Variants in SMG6 observed in about 807,000 individuals in gnomAD.
SMG6 encodes telomerase-binding protein EST1A.
Under a neutral mutation model 142.2 loss-of-function variants are expected in SMG6, and 66 were observed. The observed-to-expected ratio is 0.46, with a 90% CI of 0.38 to 0.57. The LOEUF (loss-of-function observed/expected upper bound fraction) is 0.57, where lower values mean the gene tolerates loss of function less well. SMG6 is among the 20% of genes least tolerant of loss of function. The probability of loss-of-function intolerance (pLI) is 0.00; values close to 1 mark genes in which losing one functional copy is unlikely to be tolerated. For missense variants in SMG6, 1,793 were observed against 1,832.0 expected (o/e 0.98, Z 0.39); for synonymous variants, 779 against 702.4 (o/e 1.11, Z -1.72).
chr17:2,091,756 T>C lies in SMG6; in HGVS notation c.3358-5855A>G, dbSNP rs146986953. On this transcript the variant is annotated intron_variant, in intron 13 of 18. Coordinates refer to ENST00000263073, the MANE Select transcript of SMG6 (RefSeq NM_017575.5). ...TGCGATCTCGGCTCACTGCAAGCTC[T>C]GCCTCCCGCGTTCACGCCATTCTCC... is the stretch of plus-strand genomic sequence containing the variant. Among the ~76,000 whole-genome samples, 1,351 of 151,550 alleles carry C rather than the reference T, an allele frequency of 8.9e-3. 12 individuals are homozygous for C. The highest frequency in any genetic ancestry group is 0.022 in the South Asian group (105 of 4,778).
At chr17:2,250,472 A>C (rs1265374189) in intron 8 of SMG6, among the ~76,000 whole-genome samples, 1 of 151,262 alleles carries the variant, frequency 6.6e-6, no homozygotes, top group Non-Finnish European at 1.5e-5. Context: ...ACTGTTGTCT[A>C]GACCTCCTAG....
intron 18 of SMG6, among the ~76,000 whole-genome samples, chr17:2,064,719 AC>A (rs2067887460): frequency 6.6e-6 from 1 of 151,470 alleles, no homozygotes; most frequent in African/African-American, 2.4e-5. Flanking sequence ...GGCTCGGGAG[AC>A]CATGGCCAGC....
chr17:2,119,320 G>C (rs1382387141), intron 13 of SMG6, among the ~76,000 whole-genome samples: 1 of 152,002 alleles, frequency 6.6e-6, no homozygotes, highest in Non-Finnish European at 1.5e-5. Context: ...GCCTCCCAAA[G>C]TGCTGGGATT....
chr17:2,298,144 T>A, intron 2 of SMG6, 89 bp from the exon 3 acceptor site: 1 of 1,212,492 alleles, frequency 8.2e-7, no homozygotes, highest in Admixed American at 2.7e-5. Flanking sequence ...ATTAACCACC[T>A]CCCCTGGCAG....
At chr17:2,236,701 TCACACACACACACA>T (rs71150853) in intron 9 of SMG6, 64 bp from the exon 10 acceptor site, 26,937 of 956,046 alleles carry the variant, frequency 0.028, 337 homozygotes, top group Middle Eastern at 0.042. Context: ...TCACTCTGTC[TCACACACACACACA>T]CACACACACA....
chr17:2,181,475 C>A (rs1211877318), intron 12 of SMG6, among the ~76,000 whole-genome samples: 1 of 152,212 alleles, frequency 6.6e-6, no homozygotes, highest in African/African-American at 2.4e-5. Context: ...AGAAAGAGAG[C>A]ACAGAAGGAG....
chr17:2,145,643 C>CAAAAAAAAAAAAAAA (rs61451940), intron 13 of SMG6, among the ~76,000 whole-genome samples: 1 of 23,774 alleles, frequency 4.2e-5, no homozygotes, highest in Non-Finnish European at 7.5e-5. Flanking sequence ...TCCATCTCCC[C>CAAAAAAAAAAAAAAA]AAAAAAAAAA....
intron 13 of SMG6, among the ~76,000 whole-genome samples, chr17:2,153,921 G>A (rs1181568423): frequency 8.5e-5 from 11 of 129,298 alleles, no homozygotes; most frequent in South Asian, 2.7e-4. Flanking sequence ...TGACGGTGAC[G>A]GGGGAACCTG....
chr17:2,271,965 T>C (rs1189755077), intron 8 of SMG6, among the ~76,000 whole-genome samples: 1 of 152,222 alleles, frequency 6.6e-6, no homozygotes, highest in African/African-American at 2.4e-5. Context: ...ATGGATAGAA[T>C]AGTGCTGCTT....
intron 6 of SMG6, among the ~76,000 whole-genome samples, chr17:2,291,193 T>C (rs1427232635): frequency 6.6e-6 from 1 of 151,878 alleles, no homozygotes; most frequent in African/African-American, 2.4e-5. Flanking sequence ...TAGCCGGGCG[T>C]GGTGGCGGGC....
Position 2,300,454 on chromosome 17 carries a change from T to C in SMG6, c.299A>G (p.Glu100Gly), listed in dbSNP as rs749346951. 14 of 1,614,202 alleles carry C rather than the reference T, an allele frequency of 8.7e-6. No individual in the cohort carries two copies. Among genetic ancestry groups the C allele is most frequent in the Middle Eastern group, 1.6e-4 (1 of 6,062 alleles). Reference protein sequence around the residue: ...GTQPVKDVCKELNNQEQNGPI... With the variant: ...GTQPVKDVCKGLNNQEQNGPI... ...ACCATTCTGCTCTTGGTTGTTCAGT[T>C]CCTTGCAGACATCTTTAACGGGCTG... Residue 100 changes from glutamate to glycine, a missense_variant, in exon 2 of 19, where the codon GAA (glutamate) becomes GGA (glycine). Coordinates refer to ENST00000263073, the MANE Select transcript of SMG6 (RefSeq NM_017575.5).
chr17:2,205,438 C>A (rs2072649922), intron 10 of SMG6, among the ~76,000 whole-genome samples: 1 of 152,098 alleles, frequency 6.6e-6, no homozygotes, highest in East Asian at 1.9e-4. Context: ...TTTTATACCA[C>A]AATTCACAAA....
Position 2,061,472 on chromosome 17 carries a change from G to GC in SMG6, c.*19_*20insG, listed in dbSNP as rs36097261. On this transcript the variant is annotated 3_prime_UTR_variant, in exon 19 of 19. Coordinates refer to ENST00000263073, the MANE Select transcript of SMG6 (RefSeq NM_017575.5). ...CTTTCAGGAACGGTTCCACGGGGGGGGGGCCCCAGTGTGGCTCCCTCAGCC... is the reference window on the plus strand; with the variant it reads ...CTTTCAGGAACGGTTCCACGGGGGGGCGGGCCCCAGTGTGGCTCCCTCAGCC... The GC allele has an allele frequency of 3.2e-6, 5 of 1,565,830 alleles. No individual in the cohort carries two copies. The highest frequency in any genetic ancestry group is 3.6e-5 in the Admixed American group (2 of 55,214).
intron 8 of SMG6, among the ~76,000 whole-genome samples, chr17:2,278,812 C>A (rs2151374294): frequency 6.6e-6 from 1 of 152,120 alleles, no homozygotes; most frequent in African/African-American, 2.4e-5. Context: ...TAAACATGAC[C>A]AACACAACTC....
intron 13 of SMG6, among the ~76,000 whole-genome samples, chr17:2,094,632 G>A (rs549863151): frequency 2.8e-4 from 43 of 152,258 alleles, no homozygotes; most frequent in Non-Finnish European, 4.9e-4. Flanking sequence ...GAATCCCACT[G>A]CCTTAGCCTC....
intron 15 of SMG6, among the ~76,000 whole-genome samples, chr17:2,069,260 T>A (rs1036418139): frequency 6.6e-6 from 1 of 152,138 alleles, no homozygotes; most frequent in African/African-American, 2.4e-5. Flanking sequence ...TCCTTAGATA[T>A]GAAAGTGGTT....
In SMG6 at chr17:2,065,658, A is replaced by T. The variant is rs757608714; in HGVS notation, c.3857T>A (p.Leu1286Gln). The T allele has an allele frequency of 6.2e-7, 1 of 1,613,192 alleles. No individual in the cohort carries two copies. The highest frequency in any genetic ancestry group is 8.5e-7 in the Non-Finnish European group (1 of 1,179,958). ...GTGGTCTGTCTCCTGCCCCTTGGCCAGGCCGTCCAGCTCATTGATCACTGA... is the reference window on the plus strand; with the variant it reads ...GTGGTCTGTCTCCTGCCCCTTGGCCTGGCCGTCCAGCTCATTGATCACTGA... The part of the protein sequence containing the change: ...PLIVINELDG[L>Q]AKGQETDHRA... The change falls in exon 17 of 19, where the codon CTG becomes CAG. Residue 1286 changes from leucine to glutamine, a missense_variant. Leu to Gln is a moderately radical substitution (Grantham distance 113). Around this residue, in one of 3 missense-constraint regions of SMG6, gnomAD observed 179 missense variants for 212.6 expected, o/e 0.84. Coordinates refer to ENST00000263073, the MANE Select transcript of SMG6 (RefSeq NM_017575.5).
At chr17:2,281,496 G>T (rs1279906285) in intron 8 of SMG6, among the ~76,000 whole-genome samples, 1 of 152,064 alleles carries the variant, frequency 6.6e-6, no homozygotes, top group African/African-American at 2.4e-5. Context: ...GTAATAATAT[G>T]ACTTGTGTCT....
At chr17:2,146,076 G>T (rs868001436) in intron 13 of SMG6, among the ~76,000 whole-genome samples, 2 of 152,088 alleles carry the variant, frequency 1.3e-5, no homozygotes, top group African/African-American at 4.8e-5. Context: ...GGGCCTAGAA[G>T]ATATGATTAA....
Sources: gnomAD v4.1 joint callset for allele counts (sites outside exome capture counted in the v4.1 genomes callset) on GRCh38, gnomAD v4.1.1 for gene constraint, gnomAD v4.1.1 regional missense constraint, MANE v1.5 for transcripts, NCBI Gene and HGNC (gene_info 2026-07-23, HGNC 2026-07-21) for gene names.